Variants in RBMS3 observed in about 807,000 individuals in gnomAD.
RBMS3 encodes the protein RNA-binding motif, single-stranded-interacting protein 3.
A neutral mutation model predicts 66.8 loss-of-function variants in RBMS3; 27 were observed. The observed-to-expected ratio is 0.40, with a 90% CI of 0.30 to 0.56. The LOEUF (loss-of-function observed/expected upper bound fraction) is 0.56, where lower values mean the gene tolerates loss of function less well. Among genes scored for constraint, RBMS3 ranks in the 20% least tolerant of loss-of-function variants. The probability of loss-of-function intolerance (pLI) is 0.40; values close to 1 mark genes in which losing one functional copy is unlikely to be tolerated. For synonymous variants in RBMS3, 188 were observed against 183.0 expected, an observed-to-expected ratio of 1.03 and a Z score of -0.22; for missense variants, 513 against 549.5, an observed-to-expected ratio of 0.93 and a Z score of 0.66.
chr3:29,720,046 C>A (rs748639898), intron 4 of RBMS3, among the ~76,000 whole-genome samples: 1 of 152,074 alleles, frequency 6.6e-6, no homozygotes, highest in Non-Finnish European at 1.5e-5. Context: ...ACATGGCCCA[C>A]AAGGCCCTAT....
rs1294126975 is a variant in RBMS3 at position 29,691,949 on chromosome 3, A to ATTTTTTTTTTTTTTTTTTTTTTTTTT, written c.400-47753_400-47752insTTTTTTTTTTTTTTTTTTTTTTTTTT. Among the ~76,000 whole-genome samples the ATTTTTTTTTTTTTTTTTTTTTTTTTT allele has an allele frequency of 1.8e-4, 12 of 64,992 alleles. 3 individuals are homozygous for ATTTTTTTTTTTTTTTTTTTTTTTTTT. Among genetic ancestry groups the ATTTTTTTTTTTTTTTTTTTTTTTTTT allele is most frequent in the Middle Eastern group, 0.011 (1 of 90 alleles). The allele number at this position is 64,992 out of a possible 152,430, so 42.6% of individuals were successfully genotyped here. Reference sequence around the variant, plus strand: ...GTGACCCTTCTCTCTCTCTCTCTCTATTTTTTTTTTTTTTTTTTGAGATGG... The same window carrying ATTTTTTTTTTTTTTTTTTTTTTTTTT: ...GTGACCCTTCTCTCTCTCTCTCTCTATTTTTTTTTTTTTTTTTTTTTTTTTTTTTTTTTTTTTTTTTTTTGAGATGG... On this transcript the variant is annotated intron_variant, in intron 4 of 14. Coordinates refer to ENST00000383767, the MANE Select transcript of RBMS3 (RefSeq NM_001003793.3).
chr3:29,898,182 C>T (rs979928357), intron 9 of RBMS3, among the ~76,000 whole-genome samples: 6 of 151,590 alleles, frequency 4.0e-5, no homozygotes, highest in Admixed American at 2.6e-4. Context: ...TGAGTTATTA[C>T]GTATGTGATA....
intron 4 of RBMS3, among the ~76,000 whole-genome samples, chr3:29,637,656 G>GA (rs2049524082): frequency 6.6e-6 from 1 of 151,784 alleles, no homozygotes; most frequent in South Asian, 2.1e-4. Flanking sequence ...GCATGTACAG[G>GA]CAGCTTAATG....
chr3:29,831,207 C>G (rs752634817), intron 6 of RBMS3, among the ~76,000 whole-genome samples: 1 of 152,144 alleles, frequency 6.6e-6, no homozygotes. Context: ...ACTCTTATTA[C>G]AGGTTGAATA....
intron 1 of RBMS3, among the ~76,000 whole-genome samples, chr3:29,422,075 G>T (rs2040763448): frequency 6.6e-6 from 1 of 152,174 alleles, no homozygotes; most frequent in African/African-American, 2.4e-5. Context: ...GGTTAACAGT[G>T]TTCTGAGGTA....
chr3:29,709,290 C>CTA (rs941738714), intron 4 of RBMS3, among the ~76,000 whole-genome samples: 4 of 152,110 alleles, frequency 2.6e-5, no homozygotes, highest in Non-Finnish European at 2.9e-5. Flanking sequence ...TGTGACCCTG[C>CTA]TTTATGTTTG....
At chr3:29,695,350 A>G (rs1328237953) in intron 4 of RBMS3, among the ~76,000 whole-genome samples, 2 of 152,226 alleles carry the variant, frequency 1.3e-5, no homozygotes, top group African/African-American at 4.8e-5. Context: ...GTTAAATGTA[A>G]GAATATGGAC....
chr3:29,743,399 G>GT (rs1559626828), intron 5 of RBMS3, among the ~76,000 whole-genome samples: 1 of 152,170 alleles, frequency 6.6e-6, no homozygotes, highest in African/African-American at 2.4e-5. Flanking sequence ...AGAAATTATT[G>GT]TATTACATGA....
At chr3:29,682,612 G>A (rs1031210791) in intron 4 of RBMS3, among the ~76,000 whole-genome samples, 1 of 152,150 alleles carries the variant, frequency 6.6e-6, no homozygotes, top group African/African-American at 2.4e-5. Context: ...GCAAGGGAGT[G>A]GGTGGCATTC....
intron 3 of RBMS3, among the ~76,000 whole-genome samples, chr3:29,579,096 C>T (rs1406005814): frequency 1.3e-5 from 2 of 151,990 alleles, no homozygotes; most frequent in African/African-American, 2.4e-5. Flanking sequence ...CCACCGCGCC[C>T]GGCCAATACA....
chr3:29,715,775 T>A (rs981643983), intron 4 of RBMS3, among the ~76,000 whole-genome samples: 7 of 152,140 alleles, frequency 4.6e-5, no homozygotes, highest in Admixed American at 3.3e-4. Context: ...TTGTTCAGGG[T>A]ATACTACCTG....
chr3:29,980,068 C>A (rs145123764), intron 12 of RBMS3, among the ~76,000 whole-genome samples: 5 of 152,184 alleles, frequency 3.3e-5, no homozygotes, highest in African/African-American at 1.2e-4. Context: ...TAAAGTGTTC[C>A]TATTTCTCCA....
At chr3:29,445,412 CAA>C (rs11331510) in intron 2 of RBMS3, among the ~76,000 whole-genome samples, 47 of 146,610 alleles carry the variant, frequency 3.2e-4, no homozygotes, top group Admixed American at 6.9e-4. Flanking sequence ...GCTGCTGAGA[CAA>C]AAAAAAAAAA....
chr3:29,566,714 A>G (rs1175136154), intron 3 of RBMS3, among the ~76,000 whole-genome samples: 1 of 151,998 alleles, frequency 6.6e-6, no homozygotes, highest in Non-Finnish European at 1.5e-5. Context: ...GAAAATGCCA[A>G]ATTCATCTGT....
At chr3:29,632,367 G>A (rs1168241758) in intron 4 of RBMS3, among the ~76,000 whole-genome samples, 1 of 151,892 alleles carries the variant, frequency 6.6e-6, no homozygotes, top group Non-Finnish European at 1.5e-5. Flanking sequence ...GAGAGTAGGA[G>A]AACTGGGAAA....
chr3:29,830,796 G>T (rs1402327525), intron 6 of RBMS3, among the ~76,000 whole-genome samples: 1 of 152,060 alleles, frequency 6.6e-6, no homozygotes, highest in Non-Finnish European at 1.5e-5. Flanking sequence ...TTTGCCCCTT[G>T]TGCATTCATT....
chr3:29,399,207 A>ATG (rs1491319070), intron 1 of RBMS3, among the ~76,000 whole-genome samples: 22 of 145,972 alleles, frequency 1.5e-4, no homozygotes, highest in South Asian at 6.5e-4. Context: ...ATGGCCCCAC[A>ATG]TGTGTGTGTG....
intron 1 of RBMS3, among the ~76,000 whole-genome samples, chr3:29,314,272 A>G (rs1485492873): frequency 1.3e-5 from 2 of 151,764 alleles, no homozygotes; most frequent in Non-Finnish European, 2.9e-5. Context: ...TCAGCCAGCT[A>G]GCTAACTTTG....
intron 1 of RBMS3, among the ~76,000 whole-genome samples, chr3:29,367,591 TACTC>T (rs1478644905): frequency 1.3e-5 from 2 of 152,132 alleles, no homozygotes; most frequent in African/African-American, 2.4e-5. Context: ...TAAAGCATAA[TACTC>T]AAAGAATGTA....
Sources: gnomAD v4.1 joint callset for allele counts (sites outside exome capture counted in the v4.1 genomes callset) on GRCh38, gnomAD v4.1.1 for gene constraint, MANE v1.5 for transcripts, NCBI Gene and HGNC (gene_info 2026-07-23, HGNC 2026-07-21) for gene names.